Variants in NEK10 observed in about 807,000 individuals in gnomAD.
NEK10 encodes the protein NIMA related kinase 10.
In NEK10, 122 loss-of-function variants were observed where a neutral mutation model predicts 159.8. The observed-to-expected ratio is 0.76, with a 90% CI of 0.66 to 0.89. The LOEUF (loss-of-function observed/expected upper bound fraction) is 0.89, where lower values mean the gene tolerates loss of function less well. Among genes scored for constraint, NEK10 ranks in the 40% least tolerant of loss-of-function variants. NEK10 has a pLI of 0.00. For synonymous variants in NEK10, 466 were observed against 457.1 expected (o/e 1.02, Z -0.25); for missense variants, 1,342 against 1,323.1 (o/e 1.01, Z -0.22).
intron 31 of NEK10, among the ~76,000 whole-genome samples, chr3:27,136,064 C>T (rs1008800857): frequency 2.0e-5 from 3 of 148,586 alleles, no homozygotes; most frequent in Non-Finnish European, 3.0e-5. Flanking sequence ...AATTCAAAGG[C>T]GCTTCAAATA....
chr3:27,138,353 G>A (rs193264398), intron 31 of NEK10, among the ~76,000 whole-genome samples: 2 of 152,308 alleles, frequency 1.3e-5, no homozygotes, highest in Non-Finnish European at 2.9e-5. Flanking sequence ...CCCCCAGAGG[G>A]ACACTTCGCT....
At position 27,301,672 on chromosome 3, in the gene NEK10, T is replaced by C. The variant is rs977993444; in HGVS notation, c.1168+24A>G. On this transcript the variant is annotated intron_variant, in intron 13 of 35. Coordinates refer to ENST00000691995, the MANE Select transcript of NEK10 (RefSeq NM_001394966.1). ...TAATACAACACAATAAATTATAGCATATCAAATAATAAAACATAAATACCT... is the reference window on the plus strand; with the variant it reads ...TAATACAACACAATAAATTATAGCACATCAAATAATAAAACATAAATACCT... 2.1e-6 allele frequency: 3 copies of C among 1,456,046 alleles called. No individual in the cohort carries two copies. The East Asian group carries it at 7.3e-5, about 35-fold the overall frequency. The allele number at this position is 1,456,046 out of a possible 1,614,324, so 90.2% of individuals were successfully genotyped here.
chr3:27,325,019 A>G lies in NEK10; in HGVS notation c.363-2758T>C, dbSNP rs575704494. Among the ~76,000 whole-genome samples, 110 of 152,286 alleles carry G rather than the reference A, an allele frequency of 7.2e-4. 1 individual carries two copies. The highest frequency in any genetic ancestry group is 6.2e-3 in the South Asian group (30 of 4,826). ...ATAAAGAATTTGAAAGATGTTCTCCATGATATGAGGCCAGTCACCTGCAGT... is the reference window on the plus strand; with the variant it reads ...ATAAAGAATTTGAAAGATGTTCTCCGTGATATGAGGCCAGTCACCTGCAGT... On this transcript the variant is annotated intron_variant, in intron 5 of 35. Coordinates refer to ENST00000691995, the MANE Select transcript of NEK10 (RefSeq NM_001394966.1).
At chr3:27,206,940 T>C (rs1950593317) in intron 23 of NEK10, among the ~76,000 whole-genome samples, 1 of 152,166 alleles carries the variant, frequency 6.6e-6, no homozygotes, top group Non-Finnish European at 1.5e-5. Context: ...CATGACTTCC[T>C]GGGAAACATT....
rs568848259 is a variant in NEK10 at position 27,207,321 on chromosome 3, T to A, written c.2091-4764A>T. 2.0e-5 allele frequency among the ~76,000 whole-genome samples: 3 copies of A among 152,216 alleles called. No individual in the cohort carries two copies. The East Asian group carries it at 5.8e-4, about 29-fold the overall frequency. On this transcript the variant is annotated intron_variant, in intron 23 of 35. Transcript: ENST00000691995. ...TGAAAGAAATACTAGGGCACAGGTA[T>A]GAGAAATTGAAGAAGAAATTAAAAC...
chr3:27,137,635 C>T (rs554364079), intron 31 of NEK10, among the ~76,000 whole-genome samples: 4 of 152,308 alleles, frequency 2.6e-5, no homozygotes, highest in Non-Finnish European at 4.4e-5. Context: ...TTTCCCTGTA[C>T]TCCTTCACCC....
intron 5 of NEK10, among the ~76,000 whole-genome samples, chr3:27,337,152 A>G (rs964508344): frequency 6.6e-6 from 1 of 152,202 alleles, no homozygotes; most frequent in Non-Finnish European, 1.5e-5. Flanking sequence ...ACCTACAAAA[A>G]TCAGTAGAAT....
chr3:27,274,319 T>C (rs1487611873), intron 22 of NEK10, among the ~76,000 whole-genome samples: 2 of 152,194 alleles, frequency 1.3e-5, no homozygotes, highest in Non-Finnish European at 2.9e-5. Flanking sequence ...AAAGAATGCT[T>C]TCTGAATTCT....
At chr3:27,346,040 A>T in intron 4 of NEK10, 46 bp downstream of exon 4, 1 of 1,595,734 alleles carries the variant, frequency 6.3e-7, no homozygotes, top group Non-Finnish European at 8.6e-7. Context: ...ACTGTGAGCT[A>T]AGCAGAATAA....
intron 5 of NEK10, among the ~76,000 whole-genome samples, chr3:27,322,659 CACTT>C (rs1266342267): frequency 6.6e-5 from 10 of 152,206 alleles, no homozygotes; most frequent in South Asian, 2.1e-4. Flanking sequence ...TTCATAACCA[CACTT>C]ACTTATTAAT....
At position 27,312,020 on chromosome 3, in the gene NEK10, C is replaced by T. The variant is rs766463091; in HGVS notation, c.568+79G>A. On this transcript the variant is annotated intron_variant, in intron 8 of 35. Coordinates refer to ENST00000691995, the MANE Select transcript of NEK10 (RefSeq NM_001394966.1). Reference sequence around the variant, plus strand: ...AACATTAATAAATATTTAAAGTATCCTTGTTTCCTGCTGCAAACACCATAC... The same window carrying T: ...AACATTAATAAATATTTAAAGTATCTTTGTTTCCTGCTGCAAACACCATAC... 1.0e-5 allele frequency: 9 copies of T among 890,374 alleles called. No individual in the cohort carries two copies. The South Asian group carries it at 1.3e-4, about 12-fold the overall frequency. 55.2% of individuals were successfully genotyped at this position (890,374 alleles called of 1,614,324 possible). A position where few individuals can be genotyped will look rare whatever the true frequency, so the allele number is the denominator to read the frequency against.
chr3:27,232,519 C>T (rs1403085034), intron 23 of NEK10, among the ~76,000 whole-genome samples: 1 of 151,496 alleles, frequency 6.6e-6, no homozygotes, highest in African/African-American at 2.4e-5. Context: ...ATGGAATTTC[C>T]ATCAAAATAT....
rs987083979 is a variant in NEK10 at position 27,369,264 on chromosome 3, T to A, written c.-77A>T. The A allele has an allele frequency of 1.3e-5, 2 of 152,272 alleles. No individual in the cohort carries two copies. The highest frequency in any genetic ancestry group is 4.8e-5 in the African/African-American group (2 of 41,396). 9.4% of individuals were successfully genotyped at this position (152,272 alleles called of 1,614,324 possible). ...GGTCCCTCCTTCAGGCCAATCTCCT[T>A]ATCATTGTCCCTGCTGCTGTCACCT... On this transcript the variant is annotated 5_prime_UTR_variant, in exon 1 of 36. Coordinates refer to ENST00000691995, the MANE Select transcript of NEK10 (RefSeq NM_001394966.1). The surrounding 1 kb of genome is among the most constrained non-coding windows in gnomAD (Gnocchi z 4.2).
At position 27,335,067 on chromosome 3, in the gene NEK10, G is replaced by T. The variant is rs563064951; in HGVS notation, c.362+9205C>A. Among the ~76,000 whole-genome samples the T allele has an allele frequency of 2.0e-5, 3 of 152,072 alleles. No homozygotes were observed. In the South Asian group the frequency reaches 6.2e-4, roughly 32 times the overall value. ...AAAAAGAACCAAAGTGGCTGGGCAC[G>T]GTGGCTCACACCTGTAATCCCAGCA... On this transcript the variant is annotated intron_variant, in intron 5 of 35. Coordinates refer to ENST00000691995, the MANE Select transcript of NEK10 (RefSeq NM_001394966.1).
chr3:27,183,557 C>T (rs568199468), intron 26 of NEK10, among the ~76,000 whole-genome samples: 1 of 151,838 alleles, frequency 6.6e-6, no homozygotes, highest in African/African-American at 2.4e-5. Flanking sequence ...AAACACTGAC[C>T]ACCACAAACA....
chr3:27,190,968 C>CCTT (rs1200698055), intron 26 of NEK10, among the ~76,000 whole-genome samples: 9 of 152,112 alleles, frequency 5.9e-5, no homozygotes, highest in Non-Finnish European at 1.2e-4. Context: ...GAATGTTCTG[C>CCTT]AAAATTACAT....
rs145698442 is a variant in NEK10 at position 27,173,415 on chromosome 3, T to C, written c.2776+1024A>G. Among the ~76,000 whole-genome samples, 30 of 152,330 alleles carry C rather than the reference T, an allele frequency of 2.0e-4. No homozygotes were observed. In the East Asian group the frequency reaches 5.4e-3, roughly 27 times the overall value. On this transcript the variant is annotated intron_variant, in intron 28 of 35. Transcript: ENST00000691995. ...AATTTGTTATACATGTTTATATGCA[T>C]AAATATTTTTTCCCATATGAGCTTC...
intron 22 of NEK10, among the ~76,000 whole-genome samples, chr3:27,266,106 A>G (rs2040871895): frequency 6.6e-6 from 1 of 152,190 alleles, no homozygotes; most frequent in Non-Finnish European, 1.5e-5. Flanking sequence ...CGCCCGGCCT[A>G]CAATTTGCAA....
chr3:27,287,351 G>C (rs1197506605), intron 20 of NEK10, among the ~76,000 whole-genome samples: 1 of 152,154 alleles, frequency 6.6e-6, no homozygotes, highest in Non-Finnish European at 1.5e-5. Context: ...TGACACCTGA[G>C]TCAACAAAAA....
Sources: allele counts gnomAD v4.1 joint callset (sites outside exome capture counted in the v4.1 genomes callset), GRCh38; gene constraint gnomAD v4.1.1; non-coding constraint Gnocchi (gnomAD v3.1); transcripts MANE v1.5; gene names NCBI Gene and HGNC (gene_info 2026-07-23, HGNC 2026-07-21).